The following RAP1GAP variants were observed in gnomAD, a reference collection of about 807,000 sequenced individuals.
The protein encoded by RAP1GAP is RAP1 GTPase activating protein, also known as rap1 GTPase-activating protein 1.
RAP1GAP carries 35 observed loss-of-function variants against 87.2 expected under a neutral mutation model. The observed-to-expected ratio is 0.40, with a 90% CI of 0.31 to 0.53. RAP1GAP has a LOEUF of 0.53. Among genes scored for constraint, RAP1GAP ranks in the 20% least tolerant of loss-of-function variants. The pLI is 0.48. For synonymous variants in RAP1GAP, 375 were observed against 363.9 expected (o/e 1.03, Z -0.35); for missense variants, 734 against 898.9 (o/e 0.82, Z 2.35).
rs1037956576 is a variant in RAP1GAP, at chr1:21,617,297, G to A, written c.291+9C>T. On this transcript the variant is annotated intron_variant, in intron 7 of 24. Coordinates refer to ENST00000374765, the MANE Select transcript of RAP1GAP (RefSeq NM_002885.4). ...CCAGCCAGCCCCGCTGCACCAGCCG[G>A]CCACCCACCTTGCCGAGAAAGTGCT... The A allele has an allele frequency of 7.0e-6, 11 of 1,560,796 alleles. No individual in the cohort carries two copies. Among genetic ancestry groups the A allele is most frequent in the Non-Finnish European group, 9.5e-6 (11 of 1,151,890 alleles).
chr1:21,613,563 C>G lies in RAP1GAP; in HGVS notation c.474+65G>C, dbSNP rs2079843966. 1 of 1,458,928 alleles carries G rather than the reference C, an allele frequency of 6.9e-7. No homozygotes were observed. Among genetic ancestry groups the G allele is most frequent in the Non-Finnish European group, 9.6e-7 (1 of 1,039,960 alleles). 90.4% of individuals were successfully genotyped at this position (1,458,928 alleles called of 1,614,324 possible). A position where few individuals can be genotyped will look rare whatever the true frequency, so the allele number is the denominator to read the frequency against. On this transcript the variant is annotated intron_variant, in intron 9 of 24. Transcript: ENST00000374765. The surrounding 1 kb of genome is among the most constrained non-coding windows in gnomAD (Gnocchi z 4.7). The stretch of plus-strand genomic sequence containing the variant: ...GCTGAAGGGGACGCGCCAAGGCAAG[C>G]TGAAGCCCCACAGGTGCCCATCTGC...
Position 21,603,054 on chromosome 1 carries a change from CAG to C in RAP1GAP, c.1429-143_1429-142del, listed in dbSNP as rs1194441127. The stretch of plus-strand genomic sequence containing the variant: ...AAGAACGAGAGAAGATATCCATTCC[CAG>C]AGACAGCCTCCCAGTTTACGAAAGG... On this transcript the variant is annotated intron_variant, in intron 18 of 24. Coordinates refer to ENST00000374765, the MANE Select transcript of RAP1GAP (RefSeq NM_002885.4). This position sits in a 1 kb window ranked among gnomAD's most constrained non-coding sequence, Gnocchi z 6.0. 8.1e-6 allele frequency: 5 copies of C among 619,578 alleles called. No individual in the cohort carries two copies. Among genetic ancestry groups the C allele is most frequent in the Non-Finnish European group, 1.4e-5 (5 of 358,120 alleles). 38.4% of individuals were successfully genotyped at this position (619,578 alleles called of 1,614,324 possible).
intron 5 of RAP1GAP, 21 bp from the exon 6 acceptor site, chr1:21,617,993 A>C: frequency 1.2e-6 from 2 of 1,614,000 alleles, no homozygotes; most frequent in African/African-American, 1.3e-5. Context: ...CAAACAGGGC[A>C]AGGGTCTCTC....
intron 1 of RAP1GAP, among the ~76,000 whole-genome samples, chr1:21,665,983 A>G (rs2097331743): frequency 1.3e-5 from 2 of 152,234 alleles, no homozygotes; most frequent in African/African-American, 4.8e-5. Context: ...GCTGCCTCCC[A>G]GAGCTGGAGC....
chr1:21,633,126 C>T (rs1444824514), intron 2 of RAP1GAP, among the ~76,000 whole-genome samples: 1 of 152,204 alleles, frequency 6.6e-6, no homozygotes, highest in Non-Finnish European at 1.5e-5. Flanking sequence ...TTATTACTGG[C>T]CACTCTCCTG....
chr1:21,620,507 G>T (rs1156434651), intron 3 of RAP1GAP, among the ~76,000 whole-genome samples: 1 of 151,466 alleles, frequency 6.6e-6, no homozygotes, highest in African/African-American at 2.4e-5. Flanking sequence ...TGAGCTGGGG[G>T]TGCTTCAGGG....
At position 21,613,018 on chromosome 1, in the gene RAP1GAP, G is replaced by T; in HGVS notation, c.528+158C>A. On this transcript the variant is annotated intron_variant, in intron 10 of 24. Coordinates refer to ENST00000374765, the MANE Select transcript of RAP1GAP (RefSeq NM_002885.4). The surrounding 1 kb of genome is among the most constrained non-coding windows in gnomAD (Gnocchi z 4.7). The stretch of plus-strand genomic sequence containing the variant: ...GGGGGAAGGCACAGGCCCTTTCGGT[G>T]GCTCCTCTTCTGCAAATTGTGGACT... 1.3e-6 allele frequency: 1 copy of T among 791,600 alleles called. No homozygotes were observed. 49.0% of individuals were successfully genotyped at this position (791,600 alleles called of 1,614,324 possible).
Position 21,617,464 on chromosome 1 carries a change from G to T in RAP1GAP, c.133C>A (p.Leu45Ile). 6.2e-7 allele frequency: 1 copy of T among 1,605,016 alleles called. No homozygotes were observed. Among genetic ancestry groups the T allele is most frequent in the Non-Finnish European group, 8.5e-7 (1 of 1,176,250 alleles). The change falls in exon 7 of 25, where the codon CTC becomes ATC. Residue 45 changes from leucine to isoleucine, a missense_variant. Physicochemically the swap from Leu to Ile is conservative, Grantham distance 5. Transcript: ENST00000374765. ...EVLGREGPFPLILLPQFGGYW... is the reference protein window; with the variant it reads ...EVLGREGPFPIILLPQFGGYW... ...CCCCCAAACTGGGGCAGCAGGATGAGGGGGAAGGGTCCTTCTCGCCCCAAG... is the reference window on the plus strand; with the variant it reads ...CCCCCAAACTGGGGCAGCAGGATGATGGGGAAGGGTCCTTCTCGCCCCAAG...
At chr1:21,620,694 G>C (rs946636861) in intron 3 of RAP1GAP, among the ~76,000 whole-genome samples, 1 of 152,192 alleles carries the variant, frequency 6.6e-6, no homozygotes, top group Non-Finnish European at 1.5e-5. Context: ...AGCCTTCCTG[G>C]AAGGCGGCAT....
chr1:21,617,372 G>C lies in RAP1GAP; in HGVS notation c.225C>G (p.Pro75=), dbSNP rs150479644. The change falls in exon 7 of 25, where the codon CCC becomes CCG. Residue 75 remains proline, a synonymous_variant. Coordinates refer to ENST00000374765, the MANE Select transcript of RAP1GAP (RefSeq NM_002885.4). ...TGCACTCGAGCTTCACCTTGGTTGT[G>C]GGCGACTGCAGTGGCTCTGTCTCGG... The part of the protein sequence containing the change: ...SIPETEPLQS[P]TTKVKLECNP... The C allele has an allele frequency of 1.5e-4, 248 of 1,601,038 alleles. No homozygotes were observed. The African/African-American group carries it at 3.0e-3, about 20-fold the overall frequency.
chr1:21,664,041 G>C (rs1390752796), intron 1 of RAP1GAP, among the ~76,000 whole-genome samples: 1 of 152,236 alleles, frequency 6.6e-6, no homozygotes, highest in Non-Finnish European at 1.5e-5. Context: ...AGATGGAAAG[G>C]GAGGCTCAAA....
chr1:21,625,370 A>G (rs1055180094), intron 3 of RAP1GAP, among the ~76,000 whole-genome samples: 1 of 152,204 alleles, frequency 6.6e-6, no homozygotes, highest in African/African-American at 2.4e-5. Flanking sequence ...TACTAAAAGG[A>G]CCAGGTGGCA....
In RAP1GAP at chr1:21,611,584, GC is replaced by G. The variant is rs2078319555; in HGVS notation, c.714-4del. 6.2e-7 allele frequency: 1 copy of G among 1,614,086 alleles called. No homozygotes were observed. Among genetic ancestry groups the G allele is most frequent in the East Asian group, 2.2e-5 (1 of 44,866 alleles). ...TCACGTCCAGGCCTCCTCGGAACCT[GC>G]CCCGGGGCCCCCCAGGCCACGCCTC... On this transcript the variant is annotated splice_polypyrimidine_tract_variant and splice_region_variant and intron_variant, in intron 12 of 24. Transcript: ENST00000374765.
chr1:21,640,699 CTT>C (rs1161420768), intron 2 of RAP1GAP, among the ~76,000 whole-genome samples: 1 of 136,710 alleles, frequency 7.3e-6, no homozygotes, highest in Non-Finnish European at 1.6e-5. Flanking sequence ...GGTCCAGGGT[CTT>C]TGCGCCAGGT....
Position 21,668,821 on chromosome 1 carries a change from A to T in RAP1GAP, c.-149+433T>A, listed in dbSNP as rs1012792898. Among the ~76,000 whole-genome samples the T allele has an allele frequency of 9.9e-5, 15 of 151,540 alleles. No individual in the cohort carries two copies. The highest frequency in any genetic ancestry group is 4.4e-5 in the Non-Finnish European group (3 of 67,858). ...CCCACTTCCCTCCTCTGAGGACAGG[A>T]GCGCCACCCTCTGGGGGGCGCTAGG... On this transcript the variant is annotated intron_variant, in intron 1 of 24. Coordinates refer to ENST00000374765, the MANE Select transcript of RAP1GAP (RefSeq NM_002885.4). This position sits in a 1 kb window ranked among gnomAD's most constrained non-coding sequence, Gnocchi z 6.2.
In RAP1GAP at chr1:21,640,197, C is replaced by T. The variant is rs573374163; in HGVS notation, c.-113+9564G>A. Among the ~76,000 whole-genome samples, 55 of 152,256 alleles carry T rather than the reference C, an allele frequency of 3.6e-4. No individual in the cohort carries two copies. In the South Asian group the frequency reaches 6.2e-3, roughly 17 times the overall value. Reference sequence around the variant, plus strand: ...ACGCTGTGCCCCCTGCCTGTTACCCCCTTCCCGTCCGCTTGGATCACATTT... The same window carrying T: ...ACGCTGTGCCCCCTGCCTGTTACCCTCTTCCCGTCCGCTTGGATCACATTT... On this transcript the variant is annotated intron_variant, in intron 2 of 24. Transcript: ENST00000374765.
chr1:21,643,199 CTGAA>C (rs1177126507), intron 2 of RAP1GAP, among the ~76,000 whole-genome samples: 1 of 152,192 alleles, frequency 6.6e-6, no homozygotes, highest in African/African-American at 2.4e-5. Context: ...AATTAGTTTG[CTGAA>C]TGAATGAATT....
rs367576925 is a variant in RAP1GAP, at chr1:21,659,135, CCTCAGG to C, written c.-148-9345_-148-9340del. On this transcript the variant is annotated intron_variant, in intron 1 of 24. Coordinates refer to ENST00000374765, the MANE Select transcript of RAP1GAP (RefSeq NM_002885.4). The stretch of plus-strand genomic sequence containing the variant: ...GGTCAGGCTGGCCTCGAACTCCCGA[CCTCAGG>C]TGATGCGCCCGCCTTAGCCTCCCAA... Among the ~76,000 whole-genome samples the C allele has an allele frequency of 4.1e-3, 631 of 152,170 alleles. 6 individuals carry two copies. Among genetic ancestry groups the C allele is most frequent in the African/African-American group, 0.014 (598 of 41,512 alleles).
chr1:21,645,449 C>CA (rs1264442799), intron 2 of RAP1GAP, among the ~76,000 whole-genome samples: 2 of 151,842 alleles, frequency 1.3e-5, no homozygotes, highest in African/African-American at 2.4e-5. Flanking sequence ...CACTGCACTC[C>CA]AGCATGGGTG....
Sources: gnomAD v4.1 joint callset for allele counts (sites outside exome capture counted in the v4.1 genomes callset) on GRCh38, gnomAD v4.1.1 for gene constraint, Gnocchi (gnomAD v3.1) non-coding constraint, MANE v1.5 for transcripts, NCBI Gene and HGNC (gene_info 2026-07-23, HGNC 2026-07-21) for gene names.